FLT3: variants seen among roughly 807,000 people sequenced by gnomAD.
The protein encoded by FLT3 is fms related receptor tyrosine kinase 3, also known as receptor-type tyrosine-protein kinase FLT3.
In FLT3, 46 loss-of-function variants were observed where a neutral mutation model predicts 126.6. That is an observed-to-expected ratio of 0.36 (90% confidence interval 0.29 to 0.46). The LOEUF (loss-of-function observed/expected upper bound fraction) is 0.46. Among genes scored for constraint, FLT3 ranks in the 20% least tolerant of loss-of-function variants. The probability of loss-of-function intolerance (pLI) is 1.00; values close to 1 mark genes in which losing one functional copy is unlikely to be tolerated. For synonymous variants in FLT3, 404 were observed against 434.4 expected, an observed-to-expected ratio of 0.93 and a Z score of 0.87; for missense variants, 1,069 against 1,190.3, an observed-to-expected ratio of 0.90 and a Z score of 1.50.
intron 1 of FLT3, among the ~76,000 whole-genome samples, chr13:28,093,739 GTT>G (rs1228140619): frequency 2.3e-4 from 35 of 152,220 alleles, no homozygotes; most frequent in Non-Finnish European, 5.9e-5. Context: ...TGGGTTAGAG[GTT>G]CAGCCACTGT....
At chr13:28,036,508 T>TA (rs1200115440) in intron 10 of FLT3, among the ~76,000 whole-genome samples, 4 of 152,270 alleles carry the variant, frequency 2.6e-5, no homozygotes, top group African/African-American at 2.4e-5. Context: ...GACTTCTCAT[T>TA]GTTTTATAAG....
At position 28,052,640 on chromosome 13, in the gene FLT3, A is replaced by G. The variant is rs2137741150; in HGVS notation, c.519T>C (p.Phe173=). The G allele has an allele frequency of 6.2e-7, 1 of 1,611,182 alleles. No homozygotes were observed. Among genetic ancestry groups the G allele is most frequent in the Non-Finnish European group, 8.5e-7 (1 of 1,177,324 alleles). ...GGGCGTCCTGGTTTTCCATTTTTCT[A>G]AAGTAAGGTCTTCTTAATGTGTAAA... ...TLLYTLRRPY[F]RKMENQDALV... Residue 173 remains phenylalanine (F), a synonymous_variant, in exon 5 of 24, where the codon TTT becomes TTC. Transcript: ENST00000241453.
chr13:28,081,310 G>A (rs1214531729), intron 1 of FLT3, among the ~76,000 whole-genome samples: 2 of 151,996 alleles, frequency 1.3e-5, no homozygotes, highest in African/African-American at 4.8e-5. Context: ...TCTTATCAAT[G>A]TTTTATAGTT....
At chr13:28,062,267 T>C (rs1036274904) in intron 2 of FLT3, among the ~76,000 whole-genome samples, 198 bp from the exon 3 acceptor site, 5 of 152,080 alleles carry the variant, frequency 3.3e-5, no homozygotes, top group African/African-American at 9.7e-5. Context: ...ATAAATAACA[T>C]TGGGCTGCAT....
intron 1 of FLT3, among the ~76,000 whole-genome samples, chr13:28,081,225 CATT>C (rs1176203426): frequency 6.6e-6 from 1 of 152,146 alleles, no homozygotes. Context: ...GCAAAACTGA[CATT>C]ATAACAATAT....
intron 15 of FLT3, among the ~76,000 whole-genome samples, chr13:28,030,199 C>CT (rs1873194496): frequency 6.6e-6 from 1 of 152,158 alleles, no homozygotes; most frequent in Non-Finnish European, 1.5e-5. Context: ...CAGGGGTATC[C>CT]TTGTTTCCAA....
intron 17 of FLT3, 32 bp from the exon 18 acceptor site, chr13:28,024,975 C>T: frequency 8.6e-7 from 1 of 1,159,284 alleles, no homozygotes; most frequent in Non-Finnish European, 1.3e-6. Context: ...TCATTATTTA[C>T]ATTATTCTTC....
intron 15 of FLT3, among the ~76,000 whole-genome samples, chr13:28,029,138 C>T (rs1216555430): frequency 6.6e-6 from 1 of 152,154 alleles, no homozygotes; most frequent in Non-Finnish European, 1.5e-5. Flanking sequence ...CACCTGTAAT[C>T]CCAACACTTT....
intron 19 of FLT3, among the ~76,000 whole-genome samples, chr13:28,018,882 A>G (rs1490499482): frequency 6.6e-6 from 1 of 152,056 alleles, no homozygotes; most frequent in Non-Finnish European, 1.5e-5. Flanking sequence ...GCTCCCCAAC[A>G]GGGGCCCTCC....
chr13:28,004,550 A>C (rs1282810152), intron 23 of FLT3, among the ~76,000 whole-genome samples: 3 of 152,056 alleles, frequency 2.0e-5, no homozygotes, highest in Non-Finnish European at 4.4e-5. Context: ...AAGTGATCCC[A>C]CACCACCCCG....
Position 28,090,168 on chromosome 13 carries a change from G to A in FLT3, c.43+10300C>T, listed in dbSNP as rs144311197. 4.8e-3 allele frequency among the ~76,000 whole-genome samples: 728 copies of A among 151,734 alleles called. 3 individuals carry two copies. The highest frequency in any genetic ancestry group is 0.017 in the Middle Eastern group (5 of 294). On this transcript the variant is annotated intron_variant, in intron 1 of 23. Transcript: ENST00000241453. Reference sequence around the variant, plus strand: ...TGATTATCCTGCCTCAGCCTCCCGAGTAGCTGGGATTACAGGCGTGCATCA... The same window carrying A: ...TGATTATCCTGCCTCAGCCTCCCGAATAGCTGGGATTACAGGCGTGCATCA...
At chr13:28,020,887 A>G (rs1338707559) in intron 19 of FLT3, among the ~76,000 whole-genome samples, 1 of 152,146 alleles carries the variant, frequency 6.6e-6, no homozygotes, top group African/African-American at 2.4e-5. Flanking sequence ...AGTGACACGC[A>G]TGATTCAAAG....
chr13:28,066,329 C>T (rs1877032489), intron 2 of FLT3, among the ~76,000 whole-genome samples: 1 of 152,122 alleles, frequency 6.6e-6, no homozygotes, highest in Non-Finnish European at 1.5e-5. Flanking sequence ...CAATGATATC[C>T]CAGCAGCAAT....
chr13:28,061,782 A>G, intron 3 of FLT3, 85 bp downstream of exon 3: 7 of 1,063,082 alleles, frequency 6.6e-6, no homozygotes, highest in Non-Finnish European at 9.8e-6. Context: ...CAAAAAAAAA[A>G]GGTTTACAAT....
At chr13:28,058,862 G>T (rs1018426343) in intron 3 of FLT3, among the ~76,000 whole-genome samples, 1 of 152,114 alleles carries the variant, frequency 6.6e-6, no homozygotes, top group African/African-American at 2.4e-5. Context: ...TGAACCATTC[G>T]CCTGGCATGA....
At chr13:28,092,051 T>C (rs1284387328) in intron 1 of FLT3, among the ~76,000 whole-genome samples, 2 of 152,084 alleles carry the variant, frequency 1.3e-5, no homozygotes, top group Non-Finnish European at 2.9e-5. Context: ...GCCTGGGTGA[T>C]GGAGCGAGAC....
chr13:28,062,369 T>C (rs1876649001), intron 2 of FLT3, among the ~76,000 whole-genome samples: 1 of 152,108 alleles, frequency 6.6e-6, no homozygotes, highest in Non-Finnish European at 1.5e-5. Context: ...GCAACTTTAT[T>C]TGGAGATGGT....
intron 2 of FLT3, among the ~76,000 whole-genome samples, chr13:28,070,285 A>G (rs1056553076): frequency 6.6e-6 from 1 of 152,164 alleles, no homozygotes; most frequent in African/African-American, 2.4e-5. Flanking sequence ...TGTCCTTCCT[A>G]AATCCTCATA....
chr13:28,067,195 TA>T (rs1877111641), intron 2 of FLT3, among the ~76,000 whole-genome samples: 1 of 1,154 alleles, frequency 8.7e-4, no homozygotes, highest in Non-Finnish European at 0.012. Context: ...GTTTATTTTG[TA>T]TTTTTTAGCA....
Sources: gnomAD v4.1 joint callset for allele counts (sites outside exome capture counted in the v4.1 genomes callset) on GRCh38, gnomAD v4.1.1 for gene constraint, MANE v1.5 for transcripts, NCBI Gene and HGNC (gene_info 2026-07-23, HGNC 2026-07-21) for gene names.